The following LPP variants were observed in gnomAD, a reference collection of about 807,000 sequenced individuals.
LPP encodes LIM domain containing preferred translocation partner in lipoma.
LPP carries 38 observed loss-of-function variants against 60.4 expected under a neutral mutation model. The ratio of observed to expected loss-of-function variants is 0.63; its 90% CI spans 0.49 to 0.83. The LOEUF (loss-of-function observed/expected upper bound fraction) is 0.83. Among genes scored for constraint, LPP ranks in the 40% least tolerant of loss-of-function variants. The probability of loss-of-function intolerance (pLI) is 0.00; values close to 1 mark genes in which losing one functional copy is unlikely to be tolerated. For missense variants in LPP, 902 were observed against 783.6 expected, an observed-to-expected ratio of 1.15 and a Z score of -1.80; for synonymous variants, 328 against 290.8, an observed-to-expected ratio of 1.13 and a Z score of -1.30.
At chr3:188,245,347 G>A (rs4321524) in intron 2 of LPP, among the ~76,000 whole-genome samples, 66 of 152,234 alleles carry the variant, frequency 4.3e-4, no homozygotes, top group African/African-American at 1.4e-3. Flanking sequence ...TTCTGACCTC[G>A]TGATCTGCCT....
chr3:188,424,436 G>A (rs2149075372), intron 4 of LPP, among the ~76,000 whole-genome samples: 1 of 151,944 alleles, frequency 6.6e-6, no homozygotes, highest in South Asian at 2.1e-4. Flanking sequence ...GGGTCTATAT[G>A]GGCTTTTTTT....
chr3:188,706,471 T>C (rs1484587127), intron 7 of LPP, among the ~76,000 whole-genome samples: 1 of 152,226 alleles, frequency 6.6e-6, no homozygotes, highest in East Asian at 1.9e-4. Flanking sequence ...CTTCTGCGTG[T>C]CTGTACTTCA....
chr3:188,794,596 A>C (rs961786917), intron 9 of LPP, among the ~76,000 whole-genome samples: 3 of 152,200 alleles, frequency 2.0e-5, no homozygotes, highest in East Asian at 1.9e-4. Context: ...GGAAAAAGCC[A>C]TCGAGGAGAT....
At chr3:188,777,645 G>A (rs560939425) in intron 9 of LPP, among the ~76,000 whole-genome samples, 83 of 152,052 alleles carry the variant, frequency 5.5e-4, no homozygotes, top group Non-Finnish European at 1.1e-3. Context: ...GAGTGTCTTG[G>A]CATGTCTTTT....
At chr3:188,866,154 A>G (rs1353758144) in intron 9 of LPP, 46 bp from the exon 10 acceptor site, 1 of 1,400,676 alleles carries the variant, frequency 7.1e-7, no homozygotes, top group Non-Finnish European at 9.4e-7. Flanking sequence ...TGCAGTATGG[A>G]CCCCCTTCTG....
chr3:188,688,841 T>C (rs778663459), intron 7 of LPP: 8 of 525,138 alleles, frequency 1.5e-5, no homozygotes, highest in African/African-American at 3.9e-5. Context: ...TCCCACTAGA[T>C]TGTGAGCTCC....
intron 8 of LPP, among the ~76,000 whole-genome samples, chr3:188,713,497 T>G (rs2149764801): frequency 6.6e-6 from 1 of 152,324 alleles, no homozygotes; most frequent in East Asian, 1.9e-4. Flanking sequence ...ATTAATGGTG[T>G]TGTGATTATG....
chr3:188,749,170 TAGA>T (rs1266704223), intron 8 of LPP, among the ~76,000 whole-genome samples: 2 of 152,098 alleles, frequency 1.3e-5, no homozygotes, highest in South Asian at 2.1e-4. Context: ...TACTGTTAGG[TAGA>T]AGGAGAAATT....
intron 1 of LPP, among the ~76,000 whole-genome samples, chr3:188,159,483 G>T (rs1162157864): frequency 6.6e-6 from 1 of 152,198 alleles, no homozygotes; most frequent in Non-Finnish European, 1.5e-5. Context: ...ATATTTGTGT[G>T]TCTGCCTCCT....
chr3:188,200,998 T>G (rs2149087242), intron 1 of LPP, among the ~76,000 whole-genome samples: 1 of 152,352 alleles, frequency 6.6e-6, no homozygotes, highest in South Asian at 2.1e-4. Flanking sequence ...TTGCCCACGT[T>G]CAGTTTCTGA....
At chr3:188,683,704 G>A (rs1424609541) in intron 7 of LPP, among the ~76,000 whole-genome samples, 1 of 152,160 alleles carries the variant, frequency 6.6e-6, no homozygotes, top group Non-Finnish European at 1.5e-5. Flanking sequence ...ATGAAAATGT[G>A]TCGTCAGGAA....
intron 7 of LPP, among the ~76,000 whole-genome samples, chr3:188,702,564 T>C (rs1864692644): frequency 1.3e-5 from 2 of 152,196 alleles, no homozygotes; most frequent in Non-Finnish European, 1.5e-5. Flanking sequence ...TTAAAGTTCT[T>C]GGCACTTGGT....
At chr3:188,756,154 G>A (rs762616556) in intron 8 of LPP, among the ~76,000 whole-genome samples, 11 of 152,164 alleles carry the variant, frequency 7.2e-5, no homozygotes, top group Admixed American at 6.5e-4. Context: ...CATTGCTGAG[G>A]TTGCTATAGA....
intron 2 of LPP, among the ~76,000 whole-genome samples, chr3:188,287,294 CCCCCG>C (rs1744261659): frequency 6.6e-6 from 1 of 152,202 alleles, no homozygotes; most frequent in Admixed American, 6.5e-5. Context: ...GGCTTGCCAT[CCCCCG>C]CCCCGTGTGT....
intron 6 of LPP, among the ~76,000 whole-genome samples, chr3:188,543,179 T>A (rs145082735): frequency 0.014 from 2,114 of 152,284 alleles, 25 homozygotes; most frequent in South Asian, 0.049. Flanking sequence ...GTCCTGCCTT[T>A]AATCCCCTGG....
At chr3:188,811,687 C>T (rs1475281216) in intron 9 of LPP, among the ~76,000 whole-genome samples, 1 of 151,936 alleles carries the variant, frequency 6.6e-6, no homozygotes, top group Non-Finnish European at 1.5e-5. Flanking sequence ...ACTTTCTCAT[C>T]TTATAGATGA....
intron 8 of LPP, among the ~76,000 whole-genome samples, chr3:188,726,138 G>T (rs1250664581): frequency 6.6e-6 from 1 of 152,158 alleles, no homozygotes; most frequent in Non-Finnish European, 1.5e-5. Flanking sequence ...ATCACTCTGG[G>T]TACTATTGTG....
intron 4 of LPP, among the ~76,000 whole-genome samples, chr3:188,474,389 A>ATGCATTGACATGCATTGAC (rs1553907962): frequency 6.6e-6 from 1 of 151,362 alleles, no homozygotes; most frequent in South Asian, 2.1e-4. Flanking sequence ...TGTCATTGAC[A>ATGCATTGACATGCATTGAC]ATGCATTGAC....
chr3:188,202,784 T>C (rs1413519325), intron 1 of LPP, among the ~76,000 whole-genome samples: 12 of 152,146 alleles, frequency 7.9e-5, no homozygotes, highest in Non-Finnish European at 1.8e-4. Flanking sequence ...ATGTGAGATG[T>C]TTCCTTGTTT....
Sources: allele counts gnomAD v4.1 joint callset (sites outside exome capture counted in the v4.1 genomes callset), GRCh38; gene constraint gnomAD v4.1.1; transcripts MANE v1.5; gene names NCBI Gene and HGNC (gene_info 2026-07-23, HGNC 2026-07-21).